The following ZNF469 variants were observed in gnomAD, a reference collection of about 807,000 sequenced individuals.
ZNF469 encodes the protein zinc finger protein 469.
ZNF469 carries 1 observed loss-of-function variant against 1.0 expected under a neutral mutation model. That is an observed-to-expected ratio of 1.00 (90% CI 0.35 to 4.73). The LOEUF (loss-of-function observed/expected upper bound fraction) is 4.73. Among genes scored for constraint, ZNF469 ranks in the 30% most tolerant of loss-of-function variants. The pLI is 0.16. For missense variants in ZNF469, 6,100 were observed against 5,356.3 expected, an observed-to-expected ratio of 1.14 and a Z score of -4.33; for synonymous variants, 2,703 against 2,363.4, an observed-to-expected ratio of 1.14 and a Z score of -4.17.
chr16:88,398,946 C>A (rs149138302), intron 1 of ZNF469, among the ~76,000 whole-genome samples: 83 of 152,342 alleles, frequency 5.4e-4, no homozygotes, highest in African/African-American at 1.9e-3. Flanking sequence ...CAGCAAACCA[C>A]CACCCCCCCA....
chr16:88,208,803 A>ACTGTCTCT, the ZNF469 span, among the ~76,000 whole-genome samples: 2 of 123,564 alleles, frequency 1.6e-5, no homozygotes, highest in African/African-American at 6.3e-5. Context: ...ACACACACAC[A>ACTGTCTCT]CTCTCTCTCT....
chr16:88,106,142 G>A, the ZNF469 span, among the ~76,000 whole-genome samples: 8 of 152,306 alleles, frequency 5.3e-5, no homozygotes, highest in East Asian at 3.9e-4. Context: ...TTGGGTAGCC[G>A]GGTCCCTGCA....
chr16:88,246,167 C>T, the ZNF469 span, among the ~76,000 whole-genome samples: 29 of 152,336 alleles, frequency 1.9e-4, no homozygotes, highest in Admixed American at 2.6e-4. Flanking sequence ...GCAGGAGCTC[C>T]GCCTTGCCCA....
the ZNF469 span, among the ~76,000 whole-genome samples, chr16:88,220,387 G>A: frequency 6.6e-6 from 1 of 152,210 alleles, no homozygotes; most frequent in Admixed American, 6.5e-5. Context: ...GATCTGCTGA[G>A]ATGATTTGTG....
chr16:88,119,623 G>C, the ZNF469 span, among the ~76,000 whole-genome samples: 1 of 152,230 alleles, frequency 6.6e-6, no homozygotes, highest in Non-Finnish European at 1.5e-5. Context: ...GGATGGGGTG[G>C]AGACACAGGT....
the ZNF469 span, among the ~76,000 whole-genome samples, chr16:88,118,152 A>C: frequency 4.6e-5 from 7 of 152,204 alleles, no homozygotes; most frequent in African/African-American, 1.7e-4. Context: ...CATGTTGGCC[A>C]GGCTGCTCTC....
chr16:88,323,598 G>A, the ZNF469 span, among the ~76,000 whole-genome samples: 175 of 152,312 alleles, frequency 1.1e-3, no homozygotes, highest in African/African-American at 4.0e-3. Context: ...GAAGGCCTGG[G>A]CAGCCAGGCT....
chr16:88,263,383 G>T, the ZNF469 span, among the ~76,000 whole-genome samples: 3 of 152,220 alleles, frequency 2.0e-5, no homozygotes, highest in African/African-American at 7.2e-5. Context: ...TCTGTGAATC[G>T]GGAACGCCCG....
chr16:88,261,961 G>A, the ZNF469 span, among the ~76,000 whole-genome samples: 17 of 152,274 alleles, frequency 1.1e-4, no homozygotes, highest in South Asian at 4.2e-4. This position sits in a 1 kb window ranked among gnomAD's most constrained non-coding sequence, Gnocchi z 6.0. Flanking sequence ...GGGCCATGGC[G>A]CTGCACTGGC....
chr16:88,309,713 G>C, the ZNF469 span, among the ~76,000 whole-genome samples: 1 of 144,700 alleles, frequency 6.9e-6, no homozygotes, highest in African/African-American at 2.6e-5. Context: ...CCTCTGAGGT[G>C]CCCTCTCAGT....
At chr16:88,312,218 C>T in the ZNF469 span, among the ~76,000 whole-genome samples, 3 of 152,194 alleles carry the variant, frequency 2.0e-5, no homozygotes, top group Non-Finnish European at 4.4e-5. Flanking sequence ...TCCCACAACA[C>T]AAGGGAATTA....
chr16:88,261,769 G>A, the ZNF469 span, among the ~76,000 whole-genome samples: 5 of 152,262 alleles, frequency 3.3e-5, no homozygotes, highest in South Asian at 2.1e-4. This position sits in a 1 kb window ranked among gnomAD's most constrained non-coding sequence, Gnocchi z 6.0. Flanking sequence ...TCCCCTTCCC[G>A]TGGCTGTGGG....
rs771000169 is a variant in ZNF469, at chr16:88,428,558, C to T, written c.1088C>T (p.Ser363Leu). ...CTCTCTTCCCCTGGAGCTGCTCACT[C>T]GGCCCCGAGACCCTTCTCTGACAGT... Reference protein sequence around the residue: ...GALSSPGAAHSAPRPFSDSLH... With the variant: ...GALSSPGAAHLAPRPFSDSLH... The change falls in exon 3 of 3, where the codon TCG becomes TTG. Residue 363 changes from serine to leucine, a missense_variant. By Grantham distance (145) the Ser-to-Leu change is moderately radical. Coordinates refer to ENST00000565624, the MANE Select transcript of ZNF469 (RefSeq NM_001367624.2). 4.4e-4 allele frequency: 676 copies of T among 1,550,042 alleles called. 6 individuals are homozygous for T. Among genetic ancestry groups the T allele is most frequent in the Middle Eastern group, 1.7e-4 (1 of 6,014 alleles).
chr16:88,280,615 C>G, the ZNF469 span, among the ~76,000 whole-genome samples: 2 of 152,046 alleles, frequency 1.3e-5, no homozygotes, highest in Admixed American at 1.3e-4. Context: ...CACACCAACG[C>G]TTGGTCAGTA....
intron 1 of ZNF469, among the ~76,000 whole-genome samples, chr16:88,400,113 A>G (rs1904812699): frequency 6.6e-6 from 1 of 152,166 alleles, no homozygotes; most frequent in African/African-American, 2.4e-5. Context: ...TCAGCAGCAA[A>G]TGCCATCATG....
the ZNF469 span, among the ~76,000 whole-genome samples, chr16:88,236,634 A>G: frequency 2.0e-5 from 3 of 152,208 alleles, no homozygotes; most frequent in Non-Finnish European, 2.9e-5. Context: ...TGGGAGGCCG[A>G]GGCAGGTGGA....
chr16:88,407,764 A>G (rs764291885), intron 1 of ZNF469, among the ~76,000 whole-genome samples: 2 of 152,252 alleles, frequency 1.3e-5, no homozygotes, highest in Non-Finnish European at 2.9e-5. Flanking sequence ...AGGCCCTGCC[A>G]GTGCTCAGAC....
chr16:88,158,101 G>C, the ZNF469 span, among the ~76,000 whole-genome samples: 1 of 151,976 alleles, frequency 6.6e-6, no homozygotes, highest in African/African-American at 2.4e-5. Context: ...CTTATTGCTT[G>C]CCTGAGCCCT....
At chr16:88,201,066 C>G in the ZNF469 span, among the ~76,000 whole-genome samples, 1 of 152,204 alleles carries the variant, frequency 6.6e-6, no homozygotes, top group Non-Finnish European at 1.5e-5. This position sits in a 1 kb window ranked among gnomAD's most constrained non-coding sequence, Gnocchi z 5.0. Context: ...CTCTGTGCCC[C>G]GGGGATCCTC....
Sources: allele counts gnomAD v4.1 joint callset (sites outside exome capture counted in the v4.1 genomes callset), GRCh38; gene constraint gnomAD v4.1.1; non-coding constraint Gnocchi (gnomAD v3.1); transcripts MANE v1.5; gene names NCBI Gene and HGNC (gene_info 2026-07-23, HGNC 2026-07-21).